AKR1A1: variants seen among roughly 807,000 people sequenced by gnomAD.
AKR1A1 encodes the protein HEL-S-165mP.
AKR1A1 carries 26 observed loss-of-function variants against 39.2 expected under a neutral mutation model. The observed-to-expected ratio is 0.66, with a 90% CI of 0.49 to 0.92. AKR1A1 has a LOEUF of 0.92. AKR1A1 is among the 40% of genes least tolerant of loss of function. The pLI is 0.00. For missense variants in AKR1A1, 378 were observed against 406.5 expected (o/e 0.93, Z 0.60); for synonymous variants, 141 against 155.5 (o/e 0.91, Z 0.69).
intron 8 of AKR1A1, 111 bp downstream of exon 8, chr1:45,569,340 T>A (rs942799976): frequency 4.5e-6 from 4 of 884,226 alleles, no homozygotes; most frequent in African/African-American, 3.3e-5. Flanking sequence ...ATGTTGTGGG[T>A]GGGATTGCTA....
At chr1:45,553,658 A>G (rs771313611) in intron 1 of AKR1A1, among the ~76,000 whole-genome samples, 1 of 152,168 alleles carries the variant, frequency 6.6e-6, no homozygotes, top group Non-Finnish European at 1.5e-5. Flanking sequence ...AATCTGGCCA[A>G]CATTACATAT....
chr1:45,555,348 G>A (rs372560267), intron 1 of AKR1A1, among the ~76,000 whole-genome samples: 6 of 152,076 alleles, frequency 3.9e-5, no homozygotes, highest in African/African-American at 7.2e-5. Flanking sequence ...TTAGCCAGGC[G>A]TGGTGGCGCA....
At chr1:45,562,465 C>T (rs1483789616) in intron 2 of AKR1A1, among the ~76,000 whole-genome samples, 3 of 151,208 alleles carry the variant, frequency 2.0e-5, no homozygotes, top group African/African-American at 7.3e-5. Context: ...CCTCAGCCTC[C>T]TGAGTAGCTG....
intron 1 of AKR1A1, among the ~76,000 whole-genome samples, chr1:45,552,983 G>C (rs1489822212): frequency 1.3e-5 from 2 of 151,968 alleles, no homozygotes; most frequent in Non-Finnish European, 2.9e-5. Context: ...AAAGTAGCTG[G>C]GTGTGGTGGC....
At chr1:45,556,432 T>C (rs1262605238) in intron 1 of AKR1A1, among the ~76,000 whole-genome samples, 16 of 151,438 alleles carry the variant, frequency 1.1e-4, no homozygotes, top group Non-Finnish European at 1.5e-5. Flanking sequence ...ATACAAAAAA[T>C]TAGCCAGGTG....
At chr1:45,563,406 A>T (rs963042090) in intron 2 of AKR1A1, among the ~76,000 whole-genome samples, 2 of 152,180 alleles carry the variant, frequency 1.3e-5, no homozygotes, top group East Asian at 3.9e-4. Flanking sequence ...TCTAGGGGGA[A>T]AAATTAAGGA....
In AKR1A1 at chr1:45,569,876, T is replaced by G; in HGVS notation, c.913-15T>G. ...ACTCCTGCTGATGGAGTAATCTATCTGTCTCTCTTTCCAGGTGGATGGGAA... is the reference window on the plus strand; with the variant it reads ...ACTCCTGCTGATGGAGTAATCTATCGGTCTCTCTTTCCAGGTGGATGGGAA... On this transcript the variant is annotated splice_polypyrimidine_tract_variant and intron_variant, in intron 8 of 8. Transcript: ENST00000351829. 1 of 1,612,550 alleles carries G rather than the reference T, an allele frequency of 6.2e-7. No individual in the cohort carries two copies. The highest frequency in any genetic ancestry group is 1.1e-5 in the South Asian group (1 of 91,050).
chr1:45,563,721 G>A (rs781518990), intron 2 of AKR1A1, among the ~76,000 whole-genome samples: 13 of 151,568 alleles, frequency 8.6e-5, no homozygotes, highest in Admixed American at 2.6e-4. Context: ...TCCGGGAGGC[G>A]GAGGTTGCAG....
chr1:45,555,486 T>TA (rs58994087), intron 1 of AKR1A1, among the ~76,000 whole-genome samples: 340 of 143,042 alleles, frequency 2.4e-3, no homozygotes, highest in East Asian at 0.012. Context: ...AAACTGTGTC[T>TA]AAAAAAAAAA....
chr1:45,553,744 A>G (rs1644163959), intron 1 of AKR1A1, among the ~76,000 whole-genome samples: 1 of 152,114 alleles, frequency 6.6e-6, no homozygotes, highest in South Asian at 2.1e-4. Context: ...CTGTAATCCC[A>G]GCACTTTGGG....
In AKR1A1 at chr1:45,552,148, C is replaced by T. The variant is rs562956913; in HGVS notation, c.-7+993C>T. Among the ~76,000 whole-genome samples, 10 of 151,992 alleles carry T rather than the reference C, an allele frequency of 6.6e-5. No individual in the cohort carries two copies. The South Asian group carries it at 1.9e-3, about 28-fold the overall frequency. On this transcript the variant is annotated intron_variant, in intron 1 of 8. Coordinates refer to ENST00000351829, the MANE Select transcript of AKR1A1 (RefSeq NM_153326.3). ...TAGTGATGTGCACATGCTATCAGTA[C>T]ATGGAAGTAGCCATCCATTTATTTA...
In AKR1A1 at chr1:45,561,798, G is replaced by A; in HGVS notation, c.4G>A (p.Ala2Thr). The change falls in exon 2 of 9, where the codon GCG becomes ACG. Residue 2 changes from alanine (A) to threonine (T), a missense_variant. By Grantham distance (58) the Ala-to-Thr change is moderately conservative (BLOSUM62 0). Transcript: ENST00000351829. ...CCCATCTGTGTTTCAGGGGGCAATG[G>A]CGGCTTCCTGTGTTCTACTGCACAC... is the stretch of plus-strand genomic sequence containing the variant. Reference protein sequence around the residue: MAASCVLLHTGQ... With the variant: MTASCVLLHTGQ... The A allele has an allele frequency of 1.2e-6, 2 of 1,614,112 alleles. No homozygotes were observed. The highest frequency in any genetic ancestry group is 1.6e-4 in the Middle Eastern group (1 of 6,062).
chr1:45,568,791 G>T, intron 6 of AKR1A1, 107 bp downstream of exon 6: 1 of 1,534,308 alleles, frequency 6.5e-7, no homozygotes, highest in African/African-American at 1.4e-5. Context: ...GTGATCTGGA[G>T]GGAGGCCACT....
chr1:45,560,549 G>A (rs150329353), intron 1 of AKR1A1, among the ~76,000 whole-genome samples: 7 of 152,286 alleles, frequency 4.6e-5, no homozygotes, highest in African/African-American at 1.7e-4. Context: ...GTTCAAGGCT[G>A]CAGTGAGCCA....
rs533877379 is a variant in AKR1A1 at position 45,563,743 on chromosome 1, C to T, written c.84+1865C>T. 2.3e-4 allele frequency among the ~76,000 whole-genome samples: 35 copies of T among 152,098 alleles called. No individual in the cohort carries two copies. The East Asian group carries it at 3.3e-3, about 14-fold the overall frequency. On this transcript the variant is annotated intron_variant, in intron 2 of 8. Coordinates refer to ENST00000351829, the MANE Select transcript of AKR1A1 (RefSeq NM_153326.3). ...GGCGGAGGTTGCAGTGAGCCGAGAT[C>T]GTGCCATTGCACTCCAGCCTGGGCA...
intron 2 of AKR1A1, among the ~76,000 whole-genome samples, chr1:45,563,415 GAA>G (rs919030258): frequency 1.1e-4 from 17 of 151,542 alleles, no homozygotes; most frequent in African/African-American, 4.1e-4. Context: ...AAAAATTAAG[GAA>G]AAAAAGTTAA....
intron 1 of AKR1A1, among the ~76,000 whole-genome samples, chr1:45,555,447 G>A (rs665014): frequency 0.016 from 2,398 of 151,714 alleles, 58 homozygotes; most frequent in African/African-American, 0.052. Flanking sequence ...ACATTGCGCC[G>A]TTGCATTCCA....
At position 45,566,614 on chromosome 1, in the gene AKR1A1, A is replaced by G. The variant is rs1162990740; in HGVS notation, c.130A>G (p.Ile44Val). 2 of 1,614,130 alleles carry G rather than the reference A, an allele frequency of 1.2e-6. No individual in the cohort carries two copies. Among genetic ancestry groups the G allele is most frequent in the African/African-American group, 2.7e-5 (2 of 74,946 alleles). The change falls in exon 3 of 9, where the codon ATT becomes GTT. Residue 44 changes from isoleucine (I) to valine (V), a missense_variant. Transcript: ENST00000351829. ...TGCCCTTAGCGTAGGCTACCGCCAC[A>G]TTGATTGTGCTGCTATCTACGGCAA... Reference protein sequence around the residue: ...KYALSVGYRHIDCAAIYGNEP... With the variant: ...KYALSVGYRHVDCAAIYGNEP...
chr1:45,561,984 GAGATA>G, intron 2 of AKR1A1, 106 bp downstream of exon 2: 1 of 1,129,158 alleles, frequency 8.9e-7, no homozygotes. Context: ...CCAGTGGGAA[GAGATA>G]AGAGAAGACA....
Sources: allele counts gnomAD v4.1 joint callset (sites outside exome capture counted in the v4.1 genomes callset), GRCh38; gene constraint gnomAD v4.1.1; transcripts MANE v1.5; gene names NCBI Gene and HGNC (gene_info 2026-07-23, HGNC 2026-07-21).